The following LONP2 variants were observed in gnomAD, a reference collection of about 807,000 sequenced individuals.
The protein encoded by LONP2 is lon protease homolog 2, peroxisomal.
Under a neutral mutation model 85.6 loss-of-function variants are expected in LONP2, and 60 were observed. The observed-to-expected ratio is 0.70, with a 90% confidence interval of 0.57 to 0.87. LONP2 has a LOEUF of 0.87. LONP2 is among the 40% of genes least tolerant of loss of function. The pLI is 0.00. For missense variants in LONP2, 860 were observed against 1,063.5 expected (o/e 0.81, Z 2.66); for synonymous variants, 395 against 389.7 (o/e 1.01, Z -0.16).
intron 11 of LONP2, among the ~76,000 whole-genome samples, chr16:48,327,298 A>G (rs897790164): frequency 3.3e-5 from 5 of 152,240 alleles, no homozygotes; most frequent in African/African-American, 7.2e-5. Context: ...TAAATCAACT[A>G]GAAAACACTA....
intron 8 of LONP2, among the ~76,000 whole-genome samples, chr16:48,295,240 C>T (rs1026828443): frequency 1.6e-4 from 24 of 152,144 alleles, no homozygotes; most frequent in African/African-American, 5.5e-4. Flanking sequence ...GGCATGGTGG[C>T]GCACACCTGT....
chr16:48,284,597 A>G (rs139036942), intron 8 of LONP2, among the ~76,000 whole-genome samples: 234 of 152,336 alleles, frequency 1.5e-3, no homozygotes, highest in Middle Eastern at 3.4e-3. Flanking sequence ...AGTATTTGTT[A>G]ATTAAGGCAT....
chr16:48,289,402 G>C (rs1412040916), intron 8 of LONP2, among the ~76,000 whole-genome samples: 2 of 152,184 alleles, frequency 1.3e-5, no homozygotes, highest in Admixed American at 1.3e-4. Flanking sequence ...GTCACAGGTA[G>C]ATAAGAGACA....
rs1344772533 is a variant in LONP2 at position 48,353,789 on chromosome 16, AG to A, written c.*1988del. ...CACATCGCTCTGCCCTGTTCCACCC[AG>A]CAGGGGCAACAAGGATATAACTTGG... On this transcript the variant is annotated 3_prime_UTR_variant, in exon 15 of 15. Coordinates refer to ENST00000285737, the MANE Select transcript of LONP2 (RefSeq NM_031490.5). The A allele has an allele frequency of 2.0e-5, 3 of 152,110 alleles. No homozygotes were observed. The highest frequency in any genetic ancestry group is 7.2e-5 in the African/African-American group (3 of 41,400). The allele number at this position is 152,110 out of a possible 1,614,324, so 9.4% of individuals were successfully genotyped here.
intron 12 of LONP2, among the ~76,000 whole-genome samples, chr16:48,343,580 C>G (rs1180761149): frequency 1.3e-5 from 2 of 152,040 alleles, no homozygotes; most frequent in African/African-American, 4.8e-5. Flanking sequence ...CACCTGTAGT[C>G]CCAGCTACTT....
intron 1 of LONP2, among the ~76,000 whole-genome samples, chr16:48,249,683 C>T (rs1393275120): frequency 6.6e-6 from 1 of 151,342 alleles, no homozygotes; most frequent in African/African-American, 2.4e-5. Flanking sequence ...GGAGATCAGC[C>T]TGGTCAACAT....
At chr16:48,262,290 A>G (rs1971894512) in intron 5 of LONP2, among the ~76,000 whole-genome samples, 1 of 152,032 alleles carries the variant, frequency 6.6e-6, no homozygotes, top group Non-Finnish European at 1.5e-5. Flanking sequence ...AAAAAAATGT[A>G]TTGTATTATG....
At chr16:48,288,399 C>T (rs551624933) in intron 8 of LONP2, among the ~76,000 whole-genome samples, 4 of 151,988 alleles carry the variant, frequency 2.6e-5, no homozygotes, top group East Asian at 1.9e-4. Context: ...GTGATCCATC[C>T]GCCTCGGCCT....
rs1596970887 is a variant in LONP2 at position 48,308,722 on chromosome 16, T to A, written c.1795+5417T>A. 3.4e-5 allele frequency among the ~76,000 whole-genome samples: 5 copies of A among 146,100 alleles called. 1 individual carries two copies. Among genetic ancestry groups the A allele is most frequent in the African/African-American group, 1.3e-4 (5 of 39,338 alleles). On this transcript the variant is annotated intron_variant, in intron 11 of 14. Coordinates refer to ENST00000285737, the MANE Select transcript of LONP2 (RefSeq NM_031490.5). ...ATACTAGAAGAAAATCTAGAAAAAA[T>A]TCTTCTAGACGTTGCCATAAACAAA...
chr16:48,289,899 T>A (rs778791816), intron 8 of LONP2, among the ~76,000 whole-genome samples: 1 of 152,208 alleles, frequency 6.6e-6, no homozygotes, highest in Non-Finnish European at 1.5e-5. Context: ...TTATGCATCA[T>A]ATCTTATATA....
At chr16:48,257,124 C>T (rs1483568627) in intron 3 of LONP2, among the ~76,000 whole-genome samples, 1 of 152,024 alleles carries the variant, frequency 6.6e-6, no homozygotes, top group Non-Finnish European at 1.5e-5. Context: ...CCAGCCTGGC[C>T]AACATGGTAA....
chr16:48,351,548 A>G (rs1290521937), intron 14 of LONP2, 33 bp from the exon 15 acceptor site: 1 of 1,582,512 alleles, frequency 6.3e-7, no homozygotes, highest in Admixed American at 1.7e-5. Flanking sequence ...GAGGGTGATC[A>G]TTAACCCTAA....
chr16:48,356,735 A>G lies in LONP2; in HGVS notation c.*4933A>G. On this transcript the variant is annotated 3_prime_UTR_variant, in exon 15 of 15. Transcript: ENST00000285737. ...GGTGAGTGGTCATTGAGATGTTTTAAAAGTTACAGCAAAAGGACTTCTAAA... is the reference window on the plus strand; with the variant it reads ...GGTGAGTGGTCATTGAGATGTTTTAGAAGTTACAGCAAAAGGACTTCTAAA... 1 of 327,308 alleles carries G rather than the reference A, an allele frequency of 3.1e-6. No homozygotes were observed. The highest frequency in any genetic ancestry group is 2.4e-5 in the South Asian group (1 of 41,096). 20.3% of individuals were successfully genotyped at this position (327,308 alleles called of 1,614,324 possible). A position where few individuals can be genotyped will look rare whatever the true frequency, so the allele number is the denominator to read the frequency against.
At position 48,347,535 on chromosome 16, in the gene LONP2, T is replaced by C. The variant is rs1437849573; in HGVS notation, c.1967T>C (p.Val656Ala). 1.9e-6 allele frequency: 3 copies of C among 1,614,168 alleles called. No individual in the cohort carries two copies. The East Asian group carries it at 6.7e-5, about 36-fold the overall frequency. Residue 656 changes from valine (V) to alanine (A), a missense_variant, in exon 13 of 15, where the codon GTA becomes GCA. Around this residue, in one of 3 missense-constraint regions of LONP2, gnomAD observed 743 missense variants for 917.3 expected, o/e 0.81. Coordinates refer to ENST00000285737, the MANE Select transcript of LONP2 (RefSeq NM_031490.5). Reference sequence around the variant, plus strand: ...TCTCAGCGTTTGAGTCAGCCAGGAGTAGCAATAGGTTTGGCTTGGACTCCC... The same window carrying C: ...TCTCAGCGTTTGAGTCAGCCAGGAGCAGCAATAGGTTTGGCTTGGACTCCC... ...EVSQRLSQPG[V>A]AIGLAWTPLG...
At chr16:48,278,025 T>G (rs1972251022) in intron 8 of LONP2, among the ~76,000 whole-genome samples, 1 of 147,978 alleles carries the variant, frequency 6.8e-6, no homozygotes, top group African/African-American at 2.7e-5. Context: ...AATTTTTTTC[T>G]TGTTTTTTTG....
rs71380339 is a variant in LONP2 at position 48,350,386 on chromosome 16, C to CAAA, written c.2338-1183_2338-1181dup. Among the ~76,000 whole-genome samples, 151 of 127,726 alleles carry CAAA rather than the reference C, an allele frequency of 1.2e-3. No individual in the cohort carries two copies. The Middle Eastern group carries it at 0.012, about 10-fold the overall frequency. 83.8% of individuals were successfully genotyped at this position (127,726 alleles called of 152,430 possible). On this transcript the variant is annotated intron_variant, in intron 14 of 14. Coordinates refer to ENST00000285737, the MANE Select transcript of LONP2 (RefSeq NM_031490.5). ...CTTGGGTGACAGAGTAAGACTGTCT[C>CAAA]AAAAAAAAAAAAAATAGTAATGAAA...
intron 8 of LONP2, among the ~76,000 whole-genome samples, chr16:48,289,744 TA>T (rs545110242): frequency 3.2e-3 from 492 of 152,294 alleles, no homozygotes; most frequent in African/African-American, 0.011. Flanking sequence ...TTCTGGTATT[TA>T]TAAATAAAAA....
chr16:48,269,628 G>A (rs56385363), intron 6 of LONP2, among the ~76,000 whole-genome samples: 31,532 of 151,940 alleles, frequency 0.21, 4,024 homozygotes, highest in African/African-American at 0.36. Context: ...CTTCTTTTCT[G>A]TTAGTGTTAT....
intron 9 of LONP2, among the ~76,000 whole-genome samples, chr16:48,298,749 G>C (rs1418181228): frequency 1.3e-5 from 2 of 151,628 alleles, no homozygotes; most frequent in Admixed American, 1.3e-4. Context: ...AGGATAAAGA[G>C]ATAATTGTCT....
Sources: allele counts gnomAD v4.1 joint callset (sites outside exome capture counted in the v4.1 genomes callset), GRCh38; gene constraint gnomAD v4.1.1; regional missense constraint gnomAD v4.1.1; transcripts MANE v1.5; gene names NCBI Gene and HGNC (gene_info 2026-07-23, HGNC 2026-07-21).